TRIM37: variants seen among roughly 807,000 people sequenced by gnomAD.
The protein encoded by TRIM37 is E3 ubiquitin-protein ligase TRIM37.
TRIM37 carries 80 observed loss-of-function variants against 129.8 expected under a neutral mutation model. The ratio of observed to expected loss-of-function variants is 0.62; its 90% confidence interval spans 0.51 to 0.74. The LOEUF (loss-of-function observed/expected upper bound fraction) is 0.74, where lower values mean the gene tolerates loss of function less well. TRIM37 is among the 30% of genes least tolerant of loss of function. The probability of loss-of-function intolerance (pLI) is 0.00; values close to 1 mark genes in which losing one functional copy is unlikely to be tolerated. For missense variants in TRIM37, 1,054 were observed against 1,176.5 expected, an observed-to-expected ratio of 0.90 and a Z score of 1.52; for synonymous variants, 389 against 387.1, an observed-to-expected ratio of 1.00 and a Z score of -0.06.
chr17:59,105,679 GA>G (rs1261745652), intron 1 of TRIM37, among the ~76,000 whole-genome samples: 15 of 152,274 alleles, frequency 9.9e-5, no homozygotes, highest in Non-Finnish European at 1.8e-4. Context: ...TGTAGGGCCA[GA>G]AAGAACCTGG....
chr17:59,068,752 A>C (rs536078866), intron 9 of TRIM37, among the ~76,000 whole-genome samples: 22 of 152,344 alleles, frequency 1.4e-4, no homozygotes, highest in African/African-American at 4.8e-4. Context: ...GAACCACTGG[A>C]GTTCTAGCTG....
chr17:59,063,335 A>G (rs2041661225), intron 10 of TRIM37, among the ~76,000 whole-genome samples: 1 of 151,988 alleles, frequency 6.6e-6, no homozygotes, highest in Non-Finnish European at 1.5e-5. Context: ...GCCCACCACC[A>G]CGCCCAGCTA....
At chr17:59,007,438 T>A (rs896662778) in intron 22 of TRIM37, among the ~76,000 whole-genome samples, 1 of 152,134 alleles carries the variant, frequency 6.6e-6, no homozygotes, top group Non-Finnish European at 1.5e-5. Context: ...TGGCAGGCCA[T>A]CAGGCTTTGT....
chr17:59,047,446 G>A (rs1408971543), intron 16 of TRIM37, among the ~76,000 whole-genome samples: 3 of 152,124 alleles, frequency 2.0e-5, no homozygotes, highest in African/African-American at 7.2e-5. Flanking sequence ...CTGTGTGAAG[G>A]AAACATGAAA....
Position 59,039,166 on chromosome 17 carries a change from C to T in TRIM37, c.1753+2647G>A, listed in dbSNP as rs145744443. ...TGCATGTAACATGCATGTTTGTCTA[C>T]TATGCATGCGTGTGTTTCCCTTTTC... On this transcript the variant is annotated intron_variant, in intron 17 of 23. Transcript: ENST00000262294. 3.5e-4 allele frequency among the ~76,000 whole-genome samples: 53 copies of T among 152,304 alleles called. 1 individual carries two copies. In the South Asian group the frequency reaches 9.3e-3, roughly 27 times the overall value.
At chr17:59,047,414 A>C (rs1320698973) in intron 16 of TRIM37, among the ~76,000 whole-genome samples, 3 of 152,238 alleles carry the variant, frequency 2.0e-5, no homozygotes, top group Non-Finnish European at 2.9e-5. Flanking sequence ...AATATAAAGC[A>C]AAATATTCAT....
chr17:59,090,663 T>C (rs2044213952), intron 3 of TRIM37, among the ~76,000 whole-genome samples: 1 of 152,122 alleles, frequency 6.6e-6, no homozygotes, highest in South Asian at 2.1e-4. Context: ...TGCAGTGGCG[T>C]GACCTTGGCT....
At chr17:59,099,577 C>G (rs979083469) in intron 2 of TRIM37, among the ~76,000 whole-genome samples, 9 of 151,920 alleles carry the variant, frequency 5.9e-5, no homozygotes, top group African/African-American at 2.2e-4. Context: ...GAACAGACCC[C>G]TTACCAAAGA....
the TRIM37 span, among the ~76,000 whole-genome samples, chr17:58,976,160 T>C: frequency 6.6e-6 from 1 of 151,920 alleles, no homozygotes; most frequent in Non-Finnish European, 1.5e-5. Flanking sequence ...AGAGAGCAAG[T>C]AGAGGAGAAA....
chr17:58,997,006 G>A (rs147008407), downstream of TRIM37, among the ~76,000 whole-genome samples: 473 of 152,150 alleles, frequency 3.1e-3, 4 homozygotes, highest in Non-Finnish European at 5.4e-3. Context: ...ATGAAAGCAA[G>A]GAAAGGCGGA....
intron 17 of TRIM37, among the ~76,000 whole-genome samples, chr17:59,036,501 G>T (rs1416423856): frequency 6.7e-6 from 1 of 149,492 alleles, no homozygotes; most frequent in Non-Finnish European, 1.5e-5. Context: ...TGTGTTTTAA[G>T]AGACAGGGTC....
At chr17:58,994,210 GAC>G (rs144596969), downstream of TRIM37, among the ~76,000 whole-genome samples, 1 of 151,902 alleles carries the variant, frequency 6.6e-6, no homozygotes. Flanking sequence ...CAGTCATAGT[GAC>G]ACACACACAC....
intron 24 of TRIM37, chr17:58,984,581 A>C (rs2031620181): frequency 6.6e-6 from 1 of 152,578 alleles, no homozygotes; most frequent in Non-Finnish European, 1.5e-5. Flanking sequence ...AAGTTAGCAA[A>C]AGAAATTTTT....
At chr17:59,008,658 G>C (rs991524777) in intron 22 of TRIM37, among the ~76,000 whole-genome samples, 2 of 152,148 alleles carry the variant, frequency 1.3e-5, no homozygotes, top group African/African-American at 4.8e-5. Flanking sequence ...CAGCACTTTG[G>C]GAAGCTGAGG....
rs1172661733 is a variant in TRIM37 at position 59,106,719 on chromosome 17, G to A, written c.-258C>T. 1.4e-5 allele frequency: 8 copies of A among 576,964 alleles called. No individual in the cohort carries two copies. The highest frequency in any genetic ancestry group is 1.2e-4 in the Admixed American group (4 of 32,626). The allele number at this position is 576,964 out of a possible 1,614,324, so 35.7% of individuals were successfully genotyped here. On this transcript the variant is annotated 5_prime_UTR_variant, in exon 1 of 24. Transcript: ENST00000262294. Reference sequence around the variant, plus strand: ...CGGTGGCCGCAGCTCCTTTCTCCCGGCTCAGCCGCCGGCCAGCAGCCGCGC... The same window carrying A: ...CGGTGGCCGCAGCTCCTTTCTCCCGACTCAGCCGCCGGCCAGCAGCCGCGC...
chr17:59,106,395 A>T (rs2045998792), intron 1 of TRIM37, 46 bp downstream of exon 1: 1 of 1,613,276 alleles, frequency 6.2e-7, no homozygotes, highest in Non-Finnish European at 8.5e-7. Flanking sequence ...AAAACCGCTC[A>T]TCGGGTGGGG....
At chr17:59,090,088 A>G (rs2044156084) in intron 3 of TRIM37, 1 of 152,186 alleles carries the variant, frequency 6.6e-6, no homozygotes, top group Admixed American at 6.5e-5. Flanking sequence ...CGACAGAGCG[A>G]GACTCTGTCT....
At chr17:58,991,190 A>AG (rs1002712408) in intron 24 of TRIM37, among the ~76,000 whole-genome samples, 13 of 151,660 alleles carry the variant, frequency 8.6e-5, no homozygotes, top group Non-Finnish European at 1.2e-4. Flanking sequence ...AAAAAAAAAA[A>AG]AAAGAAAAAA....
intron 13 of TRIM37, among the ~76,000 whole-genome samples, chr17:59,056,530 C>T (rs2040886882): frequency 6.6e-6 from 1 of 151,390 alleles, no homozygotes; most frequent in African/African-American, 2.4e-5. Flanking sequence ...GAGATCGAGA[C>T]CATCCTGGCT....
Sources: gnomAD v4.1 joint callset for allele counts (sites outside exome capture counted in the v4.1 genomes callset) on GRCh38, gnomAD v4.1.1 for gene constraint, MANE v1.5 for transcripts, NCBI Gene and HGNC (gene_info 2026-07-23, HGNC 2026-07-21) for gene names.